Variants in SPPL2B observed in about 807,000 individuals in gnomAD.
SPPL2B encodes signal peptide peptidase like 2B.
SPPL2B carries 39 observed loss-of-function variants against 59.7 expected under a neutral mutation model. The observed-to-expected ratio is 0.65, with a 90% CI of 0.51 to 0.85. The LOEUF is 0.85. SPPL2B is among the 40% of genes least tolerant of loss of function. The pLI is 0.00. For missense variants in SPPL2B, 865 were observed against 849.0 expected (o/e 1.02, Z -0.23); for synonymous variants, 419 against 370.8 (o/e 1.13, Z -1.49).
At position 2,343,972 on chromosome 19, in the gene SPPL2B, C is replaced by CGCT. The variant is rs753446762; in HGVS notation, c.1057_1059dup (p.Leu353dup). On this transcript the variant is annotated inframe_insertion, in exon 10 of 15. Coordinates refer to ENST00000613503, the MANE Select transcript of SPPL2B (RefSeq NM_152988.3). ...CAGCCGTGGGCTTCGCAGGCCTGCA[C>CGCT]GCTGCTGCTGCTGGTGCTGTTCCTC... 3.9e-6 allele frequency: 6 copies of CGCT among 1,547,924 alleles called. No homozygotes were observed. The highest frequency in any genetic ancestry group is 5.2e-6 in the Non-Finnish European group (6 of 1,146,478).
chr19:2,351,642 C>A (rs1253019146), intron 14 of SPPL2B, 48 bp downstream of exon 14: 2 of 1,566,970 alleles, frequency 1.3e-6, no homozygotes, highest in Admixed American at 3.6e-5. Flanking sequence ...CCTAGTGAGC[C>A]CTAACTAGAG....
chr19:2,345,109 G>A, intron 12 of SPPL2B, 144 bp from the exon 13 acceptor site: 2 of 640,776 alleles, frequency 3.1e-6, no homozygotes, highest in South Asian at 3.5e-5. Flanking sequence ...GCGAGCGTGT[G>A]GCCTGTCTGT....
chr19:2,335,965 T>A (rs1018157133), intron 2 of SPPL2B, among the ~76,000 whole-genome samples: 6 of 149,568 alleles, frequency 4.0e-5, no homozygotes, highest in Non-Finnish European at 8.9e-5. Flanking sequence ...CTGAGTGTTT[T>A]TTTGTGTGTG....
chr19:2,331,117 C>T (rs1342903483), intron 1 of SPPL2B, among the ~76,000 whole-genome samples: 1 of 152,154 alleles, frequency 6.6e-6, no homozygotes, highest in African/African-American at 2.4e-5. Context: ...TCCCTTCCCC[C>T]ACCCCACGGA....
At chr19:2,348,715 C>T (rs1303437143) in intron 13 of SPPL2B, among the ~76,000 whole-genome samples, 1 of 135,252 alleles carries the variant, frequency 7.4e-6, no homozygotes, top group African/African-American at 2.8e-5. Context: ...TCTCCACACA[C>T]ACTCACGCTC....
chr19:2,341,634 C>A, intron 8 of SPPL2B: 1 of 455,836 alleles, frequency 2.2e-6, no homozygotes, highest in Non-Finnish European at 4.4e-6. Flanking sequence ...TCCTCCCAGC[C>A]TTCCTGAGGC....
rs570477507 is a variant in SPPL2B at position 2,334,049 on chromosome 19, TCTGGGCCCCACCGTGTGC to T, written c.67-543_67-526del. 2.5e-4 allele frequency among the ~76,000 whole-genome samples: 38 copies of T among 152,312 alleles called. No homozygotes were observed. In the South Asian group the frequency reaches 6.6e-3, roughly 27 times the overall value. The stretch of plus-strand genomic sequence containing the variant: ...GGTGCTGATCTGGGGATCCCCCTCG[TCTGGGCCCCACCGTGTGC>T]CTGGGCCCCCGTGTGCCTTGGAGCA... On this transcript the variant is annotated intron_variant, in intron 1 of 14. Transcript: ENST00000613503.
intron 8 of SPPL2B, 82 bp downstream of exon 8, chr19:2,341,096 C>A (rs77642174): frequency 4.9e-5 from 18 of 365,958 alleles, no homozygotes; most frequent in Non-Finnish European, 6.4e-5. Context: ...ACTCCCTGCC[C>A]TCCCTGGAGG....
intron 13 of SPPL2B, 110 bp downstream of exon 13, chr19:2,345,440 T>A: frequency 1.1e-6 from 1 of 894,478 alleles, no homozygotes; most frequent in Non-Finnish European, 1.8e-6. Flanking sequence ...TAACCCTAAT[T>A]CCAACTCTAA....
At chr19:2,331,381 G>T (rs1026379504) in intron 1 of SPPL2B, among the ~76,000 whole-genome samples, 1 of 152,238 alleles carries the variant, frequency 6.6e-6, no homozygotes. Flanking sequence ...CGAGGCTTGG[G>T]CTTTGAGCCT....
At chr19:2,334,116 G>C (rs1392342809) in intron 1 of SPPL2B, among the ~76,000 whole-genome samples, 3 of 152,222 alleles carry the variant, frequency 2.0e-5, no homozygotes, top group Non-Finnish European at 2.9e-5. Flanking sequence ...AGTGCCCACG[G>C]GGCTGTGGGT....
At chr19:2,347,828 C>T (rs1378290416) in intron 13 of SPPL2B, among the ~76,000 whole-genome samples, 5 of 35,144 alleles carry the variant, frequency 1.4e-4, no homozygotes, top group Admixed American at 5.8e-4. Flanking sequence ...TCTCATTCGC[C>T]TGATTCCGTT....
intron 1 of SPPL2B, among the ~76,000 whole-genome samples, chr19:2,329,496 C>T (rs1190588895): frequency 6.6e-6 from 1 of 152,208 alleles, no homozygotes; most frequent in African/African-American, 2.4e-5. Flanking sequence ...CGAGATCGCA[C>T]TGTCATAACT....
At chr19:2,344,123 A>AC in intron 10 of SPPL2B, 84 bp downstream of exon 10, 1 of 315,682 alleles carries the variant, frequency 3.2e-6, no homozygotes, top group Middle Eastern at 1.0e-3. Flanking sequence ...CCCCCCCATC[A>AC]CCCCGCCCCC....
intron 2 of SPPL2B, chr19:2,337,181 G>C (rs1394391056): frequency 8.0e-6 from 3 of 375,040 alleles, no homozygotes; most frequent in Non-Finnish European, 9.6e-6. Context: ...GTGACGGCTC[G>C]CGGGGTGGCT....
chr19:2,341,328 T>C (rs1222306519), intron 8 of SPPL2B: 1 of 552,816 alleles, frequency 1.8e-6, no homozygotes, highest in South Asian at 1.5e-5. Flanking sequence ...GGCCACAGTC[T>C]GTCCCCCGCT....
chr19:2,338,494 C>T (rs762040703), intron 3 of SPPL2B: 15 of 441,026 alleles, frequency 3.4e-5, no homozygotes, highest in South Asian at 6.0e-5. Flanking sequence ...GTCCCACGGC[C>T]GAGGGAGGGA....
chr19:2,330,062 CTGTG>C (rs1568425124), intron 1 of SPPL2B, among the ~76,000 whole-genome samples: 2 of 151,954 alleles, frequency 1.3e-5, no homozygotes, highest in Non-Finnish European at 2.9e-5. Context: ...TCACAGAACT[CTGTG>C]GAGAGAGGGA....
intron 6 of SPPL2B, 47 bp downstream of exon 6, chr19:2,340,013 C>T (rs1293775813): frequency 6.4e-7 from 1 of 1,555,004 alleles, no homozygotes; most frequent in African/African-American, 1.4e-5. Flanking sequence ...ATGCAGCCCG[C>T]CCCGTGCGGA....
Sources: gnomAD v4.1 joint callset for allele counts (sites outside exome capture counted in the v4.1 genomes callset) on GRCh38, gnomAD v4.1.1 for gene constraint, MANE v1.5 for transcripts, NCBI Gene and HGNC (gene_info 2026-07-23, HGNC 2026-07-21) for gene names.